The following ZNF676 variants were observed in gnomAD, a reference collection of about 807,000 sequenced individuals.
The protein encoded by ZNF676 is zinc finger protein 676.
In ZNF676, 4 loss-of-function variants were observed where a neutral mutation model predicts 6.0. The ratio of observed to expected loss-of-function variants is 0.67; its 90% CI spans 0.33 to 1.53. The LOEUF is 1.53. Ranked by LOEUF, ZNF676 falls within the 40% of genes most tolerant of loss-of-function variation. The pLI, the probability that ZNF676 is intolerant of heterozygous loss-of-function variation, is 0.06. For missense variants in ZNF676, 644 were observed against 679.7 expected, an observed-to-expected ratio of 0.95 and a Z score of 0.58; for synonymous variants, 198 against 223.1, an observed-to-expected ratio of 0.89 and a Z score of 1.00.
At chr19:22,245,902 C>A in the ZNF676 span, among the ~76,000 whole-genome samples, 1 of 152,032 alleles carries the variant, frequency 6.6e-6, no homozygotes, top group Non-Finnish European at 1.5e-5. Flanking sequence ...TTTTGCAGAA[C>A]CCAGACAGAA....
At chr19:22,189,357 A>C (rs936202804) in intron 2 of ZNF676, among the ~76,000 whole-genome samples, 1 of 152,148 alleles carries the variant, frequency 6.6e-6, no homozygotes, top group African/African-American at 2.4e-5. Context: ...AAATTAACTC[A>C]AATTGATTTA....
At position 22,196,334 on chromosome 19, in the gene ZNF676, A is replaced by T. The variant is rs544374452; in HGVS notation, c.34+266T>A. 2.6e-4 allele frequency among the ~76,000 whole-genome samples: 40 copies of T among 152,270 alleles called. 2 individuals are homozygous for T. The South Asian group carries it at 8.1e-3, about 31-fold the overall frequency. ...CTGGAGAGTACTGTTCAAAGAATAC[A>T]GTCATGCAGGCCTGCATTAAGTCAA... On this transcript the variant is annotated intron_variant, in intron 1 of 2. Transcript: ENST00000397121.
chr19:22,210,547 AG>A (rs989538949), intron 1 of ZNF676, among the ~76,000 whole-genome samples: 5 of 152,214 alleles, frequency 3.3e-5, no homozygotes, highest in African/African-American at 1.2e-4. Flanking sequence ...CCAAGAAAAA[AG>A]GTGGGAAAAG....
intron 1 of ZNF676, among the ~76,000 whole-genome samples, chr19:22,214,096 G>C (rs1318311143): frequency 6.6e-6 from 1 of 152,206 alleles, no homozygotes; most frequent in African/African-American, 2.4e-5. Context: ...GTGAATAAGG[G>C]AGGGGAAACT....
the ZNF676 span, among the ~76,000 whole-genome samples, chr19:22,240,646 C>T: frequency 6.6e-6 from 1 of 151,968 alleles, no homozygotes; most frequent in Admixed American, 6.5e-5. Context: ...ATACAAAATA[C>T]ACCAAGTGTG....
chr19:22,225,805 T>A, the ZNF676 span, among the ~76,000 whole-genome samples: 4 of 152,186 alleles, frequency 2.6e-5, no homozygotes, highest in Non-Finnish European at 5.9e-5. Flanking sequence ...AACTTTATTG[T>A]TCAGTTTTAA....
upstream of ZNF676, among the ~76,000 whole-genome samples, chr19:22,217,489 A>T (rs961416531): frequency 3.9e-5 from 6 of 152,142 alleles, 1 homozygote; most frequent in South Asian, 6.2e-4. Context: ...GGCGTGAGCC[A>T]CCGTGCCCAT....
chr19:22,226,379 T>A, the ZNF676 span, among the ~76,000 whole-genome samples: 2 of 152,112 alleles, frequency 1.3e-5, no homozygotes, highest in South Asian at 4.1e-4. Context: ...CTAGTTATAG[T>A]TAATAATCAA....
Position 22,180,491 on chromosome 19 carries a change from A to G in ZNF676, c.1226T>C (p.Met409Thr), listed in dbSNP as rs1370521882. 2 of 1,600,190 alleles carry G rather than the reference A, an allele frequency of 1.2e-6. No homozygotes were observed. The change falls in exon 3 of 3, where the codon ATG becomes ACG. Residue 409 changes from methionine (M) to threonine (T), a missense_variant. Met to Thr is a moderately conservative substitution (Grantham distance 81). Coordinates refer to ENST00000397121, the MANE Select transcript of ZNF676 (RefSeq NM_001001411.3). ...TCCAGTATGAATTCTCTTATGTTCC[A>G]TGAGCTTTGAGGATGAGTTGGAAGC... is the stretch of plus-strand genomic sequence containing the variant. The part of the protein sequence containing the change: ...GKASNSSSKL[M>T]EHKRIHTGEK...
intron 2 of ZNF676, among the ~76,000 whole-genome samples, chr19:22,184,932 G>A (rs1292047109): frequency 6.6e-6 from 1 of 151,784 alleles, no homozygotes; most frequent in Non-Finnish European, 1.5e-5. Context: ...GGACAGCTGG[G>A]AGCACAGCTT....
At chr19:22,217,670 G>C (rs1462586977), upstream of ZNF676, among the ~76,000 whole-genome samples, 2 of 146,044 alleles carry the variant, frequency 1.4e-5, no homozygotes, top group Admixed American at 6.9e-5. Flanking sequence ...CCTATTTTTT[G>C]ATGTTTTAAT....
chr19:22,212,095 G>T (rs1351505722), intron 1 of ZNF676, among the ~76,000 whole-genome samples: 1 of 151,386 alleles, frequency 6.6e-6, no homozygotes, highest in East Asian at 1.9e-4. Context: ...AGCTACTTGG[G>T]AGGCTGAAGC....
upstream of ZNF676, among the ~76,000 whole-genome samples, chr19:22,219,474 C>T (rs1003610402): frequency 1.3e-5 from 2 of 152,130 alleles, no homozygotes; most frequent in Non-Finnish European, 2.9e-5. Flanking sequence ...GACAATTTGA[C>T]TTCCTCTTTA....
chr19:22,196,271 C>T (rs2023965907), intron 1 of ZNF676, among the ~76,000 whole-genome samples: 1 of 152,040 alleles, frequency 6.6e-6, no homozygotes, highest in Non-Finnish European at 1.5e-5. Context: ...ACAGTCACTC[C>T]CTGGTGCCAT....
At chr19:22,234,982 AAG>A in the ZNF676 span, among the ~76,000 whole-genome samples, 1 of 92,352 alleles carries the variant, frequency 1.1e-5, no homozygotes, top group South Asian at 4.4e-4. Context: ...GAAAGAAAGA[AAG>A]AAAGAAAGAA....
At chr19:22,194,177 A>C (rs1310007938) in intron 1 of ZNF676, among the ~76,000 whole-genome samples, 1 of 152,162 alleles carries the variant, frequency 6.6e-6, no homozygotes, top group African/African-American at 2.4e-5. Flanking sequence ...CAATTCCTGA[A>C]GAGGGAGTTC....
chr19:22,198,066 G>C (rs2023988272), upstream of ZNF676, among the ~76,000 whole-genome samples: 1 of 151,946 alleles, frequency 6.6e-6, no homozygotes, highest in South Asian at 2.1e-4. Flanking sequence ...GAATTTTCTG[G>C]GTAATAAATA....
intron 1 of ZNF676, among the ~76,000 whole-genome samples, chr19:22,206,905 T>A (rs1297028902): frequency 1.3e-5 from 2 of 152,130 alleles, no homozygotes; most frequent in Non-Finnish European, 2.9e-5. Context: ...ATTTTTCATG[T>A]TAAAAACCCT....
In ZNF676 at chr19:22,196,885, C is replaced by A. The variant is rs1049425376; in HGVS notation, c.-252G>T. ...ATAGTTTTCAACACAGAAATGTTCA[C>A]TAATGTATTCTCTAACTCTGAGAAA... On this transcript the variant is annotated 5_prime_UTR_variant, in exon 1 of 3. Transcript: ENST00000397121. 4 of 696,386 alleles carry A rather than the reference C, an allele frequency of 5.7e-6. No homozygotes were observed. The highest frequency in any genetic ancestry group is 9.6e-6 in the Non-Finnish European group (4 of 418,280). 43.1% of individuals were successfully genotyped at this position (696,386 alleles called of 1,614,324 possible).
Sources: gnomAD v4.1 joint callset for allele counts (sites outside exome capture counted in the v4.1 genomes callset) on GRCh38, gnomAD v4.1.1 for gene constraint, MANE v1.5 for transcripts, NCBI Gene and HGNC (gene_info 2026-07-23, HGNC 2026-07-21) for gene names.